RBFOX3: variants seen among roughly 807,000 people sequenced by gnomAD.
The protein encoded by RBFOX3 is RNA binding protein fox-1 homolog 3.
Under a neutral mutation model 48.7 loss-of-function variants are expected in RBFOX3, and 17 were observed. The ratio of observed to expected loss-of-function variants is 0.35; its 90% CI spans 0.24 to 0.52. The LOEUF (loss-of-function observed/expected upper bound fraction) is 0.52. Among genes scored for constraint, RBFOX3 ranks in the 20% least tolerant of loss-of-function variants. RBFOX3 has a pLI of 0.94. For synonymous variants in RBFOX3, 212 were observed against 209.5 expected (o/e 1.01, Z -0.10); for missense variants, 382 against 497.5 (o/e 0.77, Z 2.21).
chr17:79,242,280 T>C lies in RBFOX3; in HGVS notation c.-73-6475A>G, dbSNP rs1255826784. ...GGTCCTCGAGGCAGCTTTGAGAAAC[T>C]CCCAGTGCACCACTCTCTTGTGTTA... On this transcript the variant is annotated intron_variant, in intron 3 of 14. Coordinates refer to ENST00000693108, the MANE Select transcript of RBFOX3 (RefSeq NM_001350451.2). The surrounding 1 kb of genome is among the most constrained non-coding windows in gnomAD (Gnocchi z 5.8). 1.3e-5 allele frequency among the ~76,000 whole-genome samples: 2 copies of C among 152,082 alleles called. No homozygotes were observed. Among genetic ancestry groups the C allele is most frequent in the Non-Finnish European group, 2.9e-5 (2 of 68,030 alleles).
intron 4 of RBFOX3, among the ~76,000 whole-genome samples, chr17:79,120,892 G>A (rs2035572055): frequency 6.6e-6 from 1 of 151,944 alleles, no homozygotes; most frequent in Admixed American, 6.5e-5. Context: ...AGCTCTTCCT[G>A]CTCTACTCCA....
At chr17:79,161,560 C>T (rs1194755407) in intron 4 of RBFOX3, among the ~76,000 whole-genome samples, 1 of 152,148 alleles carries the variant, frequency 6.6e-6, no homozygotes, top group Non-Finnish European at 1.5e-5. Context: ...GTTGAAGTGC[C>T]CTTGCTCTTC....
At chr17:79,369,140 G>C (rs909430021) in intron 2 of RBFOX3, among the ~76,000 whole-genome samples, 1 of 152,132 alleles carries the variant, frequency 6.6e-6, no homozygotes, top group South Asian at 2.1e-4. Flanking sequence ...GTGGGCATCC[G>C]GTGGCACTGT....
intron 1 of RBFOX3, among the ~76,000 whole-genome samples, chr17:79,586,339 C>T (rs1009032566): frequency 1.3e-5 from 2 of 152,194 alleles, no homozygotes; most frequent in African/African-American, 4.8e-5. Context: ...TCAAGTCCAG[C>T]GGCCTCCGCC....
At chr17:79,294,690 A>C (rs375850472) in intron 3 of RBFOX3, among the ~76,000 whole-genome samples, 8 of 152,108 alleles carry the variant, frequency 5.3e-5, no homozygotes, top group African/African-American at 1.9e-4. Flanking sequence ...CGGGTGGGAG[A>C]CGCTGCCAGC....
Position 79,355,173 on chromosome 17 carries a change from C to T in RBFOX3, c.-174-47349G>A, listed in dbSNP as rs115279656. 2.5e-3 allele frequency among the ~76,000 whole-genome samples: 378 copies of T among 152,284 alleles called. 1 individual carries two copies. Among genetic ancestry groups the T allele is most frequent in the African/African-American group, 8.6e-3 (358 of 41,548 alleles). On this transcript the variant is annotated intron_variant, in intron 2 of 14. Coordinates refer to ENST00000693108, the MANE Select transcript of RBFOX3 (RefSeq NM_001350451.2). ...ATTTAACATTTAACACGGGGTTCGG[C>T]ACTTGTGGGGTCGGGGGTCCCTGTT...
the RBFOX3 span, among the ~76,000 whole-genome samples, chr17:79,640,216 A>T: frequency 6.6e-6 from 1 of 152,236 alleles, no homozygotes; most frequent in Non-Finnish European, 1.5e-5. Context: ...CATTCACAAT[A>T]GCAACAAAAA....
chr17:79,294,579 C>T (rs1167474610), intron 3 of RBFOX3, among the ~76,000 whole-genome samples: 1 of 152,146 alleles, frequency 6.6e-6, no homozygotes, highest in African/African-American at 2.4e-5. Context: ...GGATTATAAG[C>T]GTGAGCCACC....
chr17:79,192,504 G>T (rs769271858), intron 4 of RBFOX3, among the ~76,000 whole-genome samples: 4 of 152,190 alleles, frequency 2.6e-5, no homozygotes, highest in African/African-American at 9.6e-5. Context: ...CCTTCAAATC[G>T]CTCTGTGGCC....
At chr17:79,152,959 AG>A (rs1258199800) in intron 4 of RBFOX3, among the ~76,000 whole-genome samples, 2 of 151,906 alleles carry the variant, frequency 1.3e-5, no homozygotes, top group Non-Finnish European at 2.9e-5. Flanking sequence ...GAGGCAGGGG[AG>A]GTCTGGAGGT....
chr17:79,592,543 G>A (rs1405391243), intron 1 of RBFOX3, among the ~76,000 whole-genome samples: 1 of 152,034 alleles, frequency 6.6e-6, no homozygotes, highest in African/African-American at 2.4e-5. Flanking sequence ...CTGGATCCAT[G>A]GGGACCTTCC....
chr17:79,350,735 A>G (rs2083763051), intron 2 of RBFOX3, among the ~76,000 whole-genome samples: 1 of 152,122 alleles, frequency 6.6e-6, no homozygotes. Context: ...ATCCTGTGAG[A>G]GCCCCTGATG....
intron 4 of RBFOX3, among the ~76,000 whole-genome samples, chr17:79,151,366 A>C: frequency 7.0e-6 from 1 of 142,994 alleles, no homozygotes; most frequent in Non-Finnish European, 1.5e-5. Context: ...GTGTCACGGG[A>C]AGGAGGGGAA....
intron 1 of RBFOX3, among the ~76,000 whole-genome samples, chr17:79,575,646 A>G (rs1479704090): frequency 3.3e-5 from 5 of 152,218 alleles, no homozygotes; most frequent in Non-Finnish European, 7.4e-5. Context: ...TGAAAAAGCT[A>G]TTCTAAATGA....
At chr17:79,137,201 G>A (rs181604674) in intron 4 of RBFOX3, among the ~76,000 whole-genome samples, 3 of 151,778 alleles carry the variant, frequency 2.0e-5, no homozygotes, top group Admixed American at 2.0e-4. Flanking sequence ...ACACACGCAG[G>A]CCTCGTGGAC....
chr17:79,588,398 G>C (rs892238246), intron 1 of RBFOX3, among the ~76,000 whole-genome samples: 21 of 152,126 alleles, frequency 1.4e-4, no homozygotes, highest in African/African-American at 5.1e-4. Context: ...CATCCTGAGG[G>C]CAGGCTTGGC....
chr17:79,609,526 G>T lies in RBFOX3; in HGVS notation c.-320+1300C>A, dbSNP rs1026106022. On this transcript the variant is annotated intron_variant, in intron 1 of 14. Transcript: ENST00000693108. ...CTCCGCGGGACTCCTTTTTAAAAGTGATCATTAAATAAATCAGGTACCTCG... is the reference window on the plus strand; with the variant it reads ...CTCCGCGGGACTCCTTTTTAAAAGTTATCATTAAATAAATCAGGTACCTCG... Among the ~76,000 whole-genome samples, 1,178 of 152,290 alleles carry T rather than the reference G, an allele frequency of 7.7e-3. 7 individuals are homozygous for T. The highest frequency in any genetic ancestry group is 0.012 in the Non-Finnish European group (826 of 67,998).
chr17:79,093,475 G>A (rs1221976228), intron 14 of RBFOX3, among the ~76,000 whole-genome samples: 1 of 151,484 alleles, frequency 6.6e-6, no homozygotes, highest in African/African-American at 2.4e-5. Context: ...GGGTGGGGCC[G>A]CACCAGACCC....
intron 4 of RBFOX3, among the ~76,000 whole-genome samples, chr17:79,125,269 G>T (rs1486965159): frequency 6.6e-6 from 1 of 152,186 alleles, no homozygotes; most frequent in African/African-American, 2.4e-5. Flanking sequence ...TGCTCTGGGT[G>T]TACATGTCCT....
Sources: gnomAD v4.1 joint callset for allele counts (sites outside exome capture counted in the v4.1 genomes callset) on GRCh38, gnomAD v4.1.1 for gene constraint, Gnocchi (gnomAD v3.1) non-coding constraint, MANE v1.5 for transcripts, NCBI Gene and HGNC (gene_info 2026-07-23, HGNC 2026-07-21) for gene names.